RBFOX1: variants seen among roughly 807,000 people sequenced by gnomAD.
RBFOX1 encodes the protein RNA binding fox-1 homolog 1.
In RBFOX1, 8 loss-of-function variants were observed where a neutral mutation model predicts 57.7. That is an observed-to-expected ratio of 0.14 (90% CI 0.08 to 0.25). The LOEUF is 0.25. Ranked by LOEUF, RBFOX1 falls within the 10% of genes least tolerant of loss-of-function variation. RBFOX1 has a pLI of 1.00. For synonymous variants in RBFOX1, 326 were observed against 222.4 expected, an observed-to-expected ratio of 1.47 and a Z score of -4.15; for missense variants, 611 against 548.5, an observed-to-expected ratio of 1.11 and a Z score of -1.14.
intron 3 of RBFOX1, among the ~76,000 whole-genome samples, chr16:5,626,303 C>T (rs2048349689): frequency 6.6e-6 from 1 of 152,310 alleles, no homozygotes; most frequent in East Asian, 1.9e-4. Flanking sequence ...CCCTCCTTGG[C>T]TTGTGGATGA....
intron 2 of RBFOX1, among the ~76,000 whole-genome samples, chr16:6,620,511 A>G (rs911168875): frequency 1.1e-4 from 17 of 152,220 alleles, no homozygotes; most frequent in African/African-American, 4.1e-4. Flanking sequence ...CTGAACTGAA[A>G]GAGATAGACA....
At chr16:5,392,441 G>A (rs1302965893) in intron 1 of RBFOX1, among the ~76,000 whole-genome samples, 2 of 151,974 alleles carry the variant, frequency 1.3e-5, no homozygotes, top group African/African-American at 2.4e-5. Context: ...TCTTTAGGCA[G>A]TGTAAAATTC....
chr16:6,886,887 G>A (rs887873359), intron 3 of RBFOX1, among the ~76,000 whole-genome samples: 2 of 152,144 alleles, frequency 1.3e-5, no homozygotes, highest in Non-Finnish European at 2.9e-5. Flanking sequence ...AAATTTTGTT[G>A]CATTAGGTCA....
intron 2 of RBFOX1, among the ~76,000 whole-genome samples, chr16:5,584,668 C>T (rs980544365): frequency 2.6e-5 from 4 of 152,112 alleles, no homozygotes; most frequent in Non-Finnish European, 4.4e-5. Flanking sequence ...GTCCCTGTGA[C>T]ACAGATGGGA....
intron 4 of RBFOX1, among the ~76,000 whole-genome samples, chr16:7,175,645 GT>G (rs1335940565): frequency 6.6e-6 from 1 of 152,206 alleles, no homozygotes; most frequent in African/African-American, 2.4e-5. Context: ...CAACAGCTGT[GT>G]GCCTCCAGTG....
At chr16:6,163,775 A>C (rs1171169125) in intron 1 of RBFOX1, among the ~76,000 whole-genome samples, 1 of 152,202 alleles carries the variant, frequency 6.6e-6, no homozygotes, top group Admixed American at 6.5e-5. Flanking sequence ...AGTATTTATA[A>C]GGTGATGTGT....
chr16:7,057,539 C>G (rs1342346330), intron 4 of RBFOX1, among the ~76,000 whole-genome samples: 1 of 152,168 alleles, frequency 6.6e-6, no homozygotes, highest in African/African-American at 2.4e-5. Flanking sequence ...ATCAGTGCAT[C>G]CTCGTTACAA....
chr16:7,141,884 T>C (rs1162441573), intron 4 of RBFOX1, among the ~76,000 whole-genome samples: 7 of 152,196 alleles, frequency 4.6e-5, no homozygotes, highest in Admixed American at 4.6e-4. Flanking sequence ...ACAGCAGCCA[T>C]AGTGACCTTG....
chr16:6,281,049 A>G (rs1039659045), intron 1 of RBFOX1, among the ~76,000 whole-genome samples: 16 of 149,454 alleles, frequency 1.1e-4, no homozygotes, highest in African/African-American at 4.1e-4. Flanking sequence ...ATCAACATGC[A>G]GGTCTGCTTT....
intron 3 of RBFOX1, among the ~76,000 whole-genome samples, chr16:5,845,171 TG>T (rs1324016089): frequency 6.6e-6 from 1 of 151,578 alleles, no homozygotes; most frequent in Non-Finnish European, 1.5e-5. Flanking sequence ...TAACAGGAGA[TG>T]TAGGACAGCA....
intron 2 of RBFOX1, among the ~76,000 whole-genome samples, chr16:5,483,152 A>T (rs1296021037): frequency 2.0e-5 from 3 of 152,196 alleles, no homozygotes; most frequent in African/African-American, 7.2e-5. Flanking sequence ...GTGGGGTTTG[A>T]TGCAAATGTT....
chr16:6,944,124 C>G (rs1010309316), intron 3 of RBFOX1, among the ~76,000 whole-genome samples: 4 of 151,888 alleles, frequency 2.6e-5, no homozygotes, highest in African/African-American at 4.8e-5. Context: ...TGGCCAGGCA[C>G]AGTGGCTCTT....
chr16:7,394,409 A>C lies in RBFOX1; in HGVS notation c.28-123738A>C, dbSNP rs183858506. ...TTCTGTCTCCTTAGTCTTCAGCCTG[A>C]ATCTCTTGCTTACCTCCCCTAATGG... On this transcript the variant is annotated intron_variant, in intron 4 of 15. Coordinates refer to ENST00000550418, the MANE Select transcript of RBFOX1 (RefSeq NM_018723.4). 3.8e-4 allele frequency among the ~76,000 whole-genome samples: 58 copies of C among 152,146 alleles called. No homozygotes were observed. The East Asian group carries it at 0.011, about 28-fold the overall frequency.
At chr16:7,280,985 CTCCCTCCTTCCT>C (rs1555661723) in intron 4 of RBFOX1, among the ~76,000 whole-genome samples, 2 of 109,610 alleles carry the variant, frequency 1.8e-5, no homozygotes, top group Non-Finnish European at 3.5e-5. Context: ...CCCTCCCTCC[CTCCCTCCTTCCT>C]TCCTTCCTTC....
rs138398150 is a variant in RBFOX1, at chr16:6,359,116, G to A, written c.-64+42059G>A. On this transcript the variant is annotated intron_variant, in intron 2 of 15. Transcript: ENST00000550418. Reference sequence around the variant, plus strand: ...TTTGTTTGTTTGTTTGTTTTGAGACGGAGTCTAGCTCTGTCACCCAGGCTG... The same window carrying A: ...TTTGTTTGTTTGTTTGTTTTGAGACAGAGTCTAGCTCTGTCACCCAGGCTG... Among the ~76,000 whole-genome samples the A allele has an allele frequency of 3.1e-3, 466 of 150,520 alleles. 2 individuals are homozygous for A. Among genetic ancestry groups the A allele is most frequent in the African/African-American group, 9.8e-3 (393 of 40,216 alleles).
intron 2 of RBFOX1, among the ~76,000 whole-genome samples, chr16:6,324,721 A>G (rs2082181057): frequency 6.6e-6 from 1 of 152,196 alleles, no homozygotes; most frequent in East Asian, 1.9e-4. Context: ...TTGGGTGAGG[A>G]CACATGCTCT....
At chr16:7,150,256 G>C (rs550958707) in intron 4 of RBFOX1, among the ~76,000 whole-genome samples, 1 of 152,156 alleles carries the variant, frequency 6.6e-6, no homozygotes, top group African/African-American at 2.4e-5. Context: ...TAAAAGAGAC[G>C]CCTCCACCTA....
chr16:5,526,923 C>T (rs1010281548), intron 2 of RBFOX1, among the ~76,000 whole-genome samples: 6 of 152,206 alleles, frequency 3.9e-5, no homozygotes, highest in Non-Finnish European at 8.8e-5. Flanking sequence ...CTCTCTAACC[C>T]TTGGTTTCCT....
chr16:7,685,336 C>T (rs1171396455), intron 14 of RBFOX1, among the ~76,000 whole-genome samples: 1 of 152,148 alleles, frequency 6.6e-6, no homozygotes, highest in East Asian at 1.9e-4. Context: ...GAACTATCAA[C>T]AGCTGAGTGA....
Sources: gnomAD v4.1 joint callset for allele counts (sites outside exome capture counted in the v4.1 genomes callset) on GRCh38, gnomAD v4.1.1 for gene constraint, MANE v1.5 for transcripts, NCBI Gene and HGNC (gene_info 2026-07-23, HGNC 2026-07-21) for gene names.